The following NSMCE2 variants were observed in gnomAD, a reference collection of about 807,000 sequenced individuals.
NSMCE2 encodes the protein E3 SUMO-protein ligase NSE2.
Under a neutral mutation model 23.8 loss-of-function variants are expected in NSMCE2, and 24 were observed. The ratio of observed to expected loss-of-function variants is 1.01; its 90% CI spans 0.73 to 1.42. The LOEUF (loss-of-function observed/expected upper bound fraction) is 1.42. NSMCE2 is among the 40% of genes most tolerant of loss of function. The probability of loss-of-function intolerance (pLI) is 0.00; values close to 1 mark genes in which losing one functional copy is unlikely to be tolerated. For synonymous variants in NSMCE2, 92 were observed against 94.1 expected (o/e 0.98, Z 0.13); for missense variants, 284 against 296.5 (o/e 0.96, Z 0.31).
At chr8:125,312,844 G>A in intron 5 of NSMCE2, among the ~76,000 whole-genome samples, 1 of 152,074 alleles carries the variant, frequency 6.6e-6, no homozygotes, top group Non-Finnish European at 1.5e-5. Context: ...GGGCCGGTTG[G>A]AGAAGAGTCA....
chr8:125,299,644 GCA>G (rs1397323501), intron 5 of NSMCE2, among the ~76,000 whole-genome samples: 2 of 151,920 alleles, frequency 1.3e-5, no homozygotes, highest in African/African-American at 4.8e-5. Context: ...ACCATATTAA[GCA>G]CCCCTAAGGA....
intron 5 of NSMCE2, among the ~76,000 whole-genome samples, chr8:125,259,550 A>G (rs1272434449): frequency 6.6e-6 from 1 of 151,986 alleles, no homozygotes; most frequent in African/African-American, 2.4e-5. Flanking sequence ...TCTGTGACAA[A>G]TTGTCTTCCA....
chr8:125,297,926 A>C (rs1828393386), intron 5 of NSMCE2, among the ~76,000 whole-genome samples: 1 of 152,236 alleles, frequency 6.6e-6, no homozygotes, highest in East Asian at 1.9e-4. Context: ...ATTAATGTGG[A>C]CAAATAAACA....
At chr8:125,145,109 T>C (rs549527542) in intron 3 of NSMCE2, among the ~76,000 whole-genome samples, 2 of 152,318 alleles carry the variant, frequency 1.3e-5, no homozygotes, top group South Asian at 4.1e-4. Flanking sequence ...GTGATAATCA[T>C]TCTTTGTTTT....
chr8:125,235,930 C>T (rs983543478), intron 5 of NSMCE2, among the ~76,000 whole-genome samples: 1 of 152,142 alleles, frequency 6.6e-6, no homozygotes, highest in Non-Finnish European at 1.5e-5. Context: ...CCACATTTTA[C>T]ATATAATGTT....
At chr8:125,170,035 G>A (rs1311897014) in intron 4 of NSMCE2, among the ~76,000 whole-genome samples, 1 of 151,742 alleles carries the variant, frequency 6.6e-6, no homozygotes, top group Non-Finnish European at 1.5e-5. Flanking sequence ...TGTTTGCCAA[G>A]TGGATTACTC....
At chr8:125,260,110 G>C (rs896220414) in intron 5 of NSMCE2, among the ~76,000 whole-genome samples, 4 of 152,192 alleles carry the variant, frequency 2.6e-5, no homozygotes, top group African/African-American at 9.7e-5. Context: ...GCCACAGTCA[G>C]TGTCGAAGCC....
chr8:125,303,540 G>A (rs998843315), intron 5 of NSMCE2, among the ~76,000 whole-genome samples: 1 of 152,110 alleles, frequency 6.6e-6, no homozygotes, highest in African/African-American at 2.4e-5. Context: ...GTATAATACT[G>A]GGTGCCAAGA....
At chr8:125,115,968 A>T (rs1209800118) in intron 3 of NSMCE2, among the ~76,000 whole-genome samples, 1 of 152,180 alleles carries the variant, frequency 6.6e-6, no homozygotes, top group African/African-American at 2.4e-5. Context: ...GGCTCATTGA[A>T]TTGAAACAAC....
At chr8:125,106,813 T>G (rs1818483098) in intron 3 of NSMCE2, among the ~76,000 whole-genome samples, 1 of 151,710 alleles carries the variant, frequency 6.6e-6, no homozygotes, top group South Asian at 2.1e-4. Context: ...CTGGCTAACA[T>G]GACGAAAACC....
chr8:125,327,351 AC>A (rs1395521987), intron 5 of NSMCE2, among the ~76,000 whole-genome samples: 1 of 152,070 alleles, frequency 6.6e-6, no homozygotes, highest in African/African-American at 2.4e-5. Flanking sequence ...TAGTATAATT[AC>A]CAATTGAAAA....
chr8:125,127,004 A>T (rs183086143), intron 3 of NSMCE2: 2 of 152,338 alleles, frequency 1.3e-5, no homozygotes, highest in African/African-American at 2.4e-5. Context: ...TGGCTCAGAA[A>T]TGATAATGTA....
intron 5 of NSMCE2, among the ~76,000 whole-genome samples, chr8:125,323,137 CTG>C (rs1286035249): frequency 6.6e-6 from 1 of 152,222 alleles, no homozygotes; most frequent in Non-Finnish European, 1.5e-5. Context: ...TGAATGCAAA[CTG>C]TGAGAAATCA....
chr8:125,098,461 AC>A (rs1201466239), intron 1 of NSMCE2, among the ~76,000 whole-genome samples: 2 of 152,120 alleles, frequency 1.3e-5, no homozygotes, highest in Non-Finnish European at 2.9e-5. Context: ...ACATGATCTT[AC>A]GTACATTTTC....
At chr8:125,153,276 A>C (rs926661776) in intron 4 of NSMCE2, among the ~76,000 whole-genome samples, 3 of 152,208 alleles carry the variant, frequency 2.0e-5, no homozygotes, top group African/African-American at 4.8e-5. Flanking sequence ...GACTGGAACA[A>C]CTTGGATTTA....
chr8:125,104,543 G>A (rs28867439), intron 3 of NSMCE2, among the ~76,000 whole-genome samples: 17,217 of 152,198 alleles, frequency 0.11, 1,181 homozygotes, highest in Middle Eastern at 0.29. Flanking sequence ...TAGGTCCTAC[G>A]TGACTGAACC....
In NSMCE2 at chr8:125,239,964, T is replaced by C. The variant is rs148122742; in HGVS notation, c.418+57708T>C. Among the ~76,000 whole-genome samples, 7 of 152,268 alleles carry C rather than the reference T, an allele frequency of 4.6e-5. No individual in the cohort carries two copies. In the East Asian group the frequency reaches 1.3e-3, roughly 29 times the overall value. ...TCTGATCCCTGCCCCTTCTTGCTCA[T>C]TGCTGAGGCCACTGTCAGCCTTTGT... On this transcript the variant is annotated intron_variant, in intron 5 of 7. Transcript: ENST00000287437.
intron 3 of NSMCE2, among the ~76,000 whole-genome samples, chr8:125,114,883 G>T (rs1343519781): frequency 6.6e-6 from 1 of 152,188 alleles, no homozygotes; most frequent in Admixed American, 6.5e-5. Context: ...GGTTCTTTAG[G>T]TAAATAATAC....
intron 5 of NSMCE2, among the ~76,000 whole-genome samples, chr8:125,208,390 AAAAG>A (rs1177279670): frequency 2.0e-5 from 3 of 152,224 alleles, no homozygotes; most frequent in Non-Finnish European, 4.4e-5. Flanking sequence ...GGAATAGAGA[AAAAG>A]AAACATGGGA....
Sources: allele counts gnomAD v4.1 joint callset (sites outside exome capture counted in the v4.1 genomes callset), GRCh38; gene constraint gnomAD v4.1.1; transcripts MANE v1.5; gene names NCBI Gene and HGNC (gene_info 2026-07-23, HGNC 2026-07-21).